SCAPER: variants seen among roughly 807,000 people sequenced by gnomAD.
SCAPER encodes the protein S-phase cyclin A associated protein in the ER.
A neutral mutation model predicts 182.2 loss-of-function variants in SCAPER; 98 were observed. The ratio of observed to expected loss-of-function variants is 0.54; its 90% CI spans 0.46 to 0.64. The LOEUF is 0.64. Ranked by LOEUF, SCAPER falls within the 30% of genes least tolerant of loss-of-function variation. The pLI is 0.00. For missense variants in SCAPER, 1,432 were observed against 1,690.0 expected (o/e 0.85, Z 2.68); for synonymous variants, 605 against 564.6 (o/e 1.07, Z -1.01).
intron 8 of SCAPER, among the ~76,000 whole-genome samples, chr15:76,783,784 A>T (rs948134915): frequency 6.6e-6 from 1 of 152,114 alleles, no homozygotes; most frequent in African/African-American, 2.4e-5. Context: ...AAAGACAAAA[A>T]CCGCAATTAT....
intron 27 of SCAPER, among the ~76,000 whole-genome samples, chr15:76,401,008 G>C (rs2044418123): frequency 6.6e-6 from 1 of 151,692 alleles, no homozygotes; most frequent in Non-Finnish European, 1.5e-5. Flanking sequence ...TTGAGTGGTA[G>C]ACAGTATAGT....
intron 23 of SCAPER, among the ~76,000 whole-genome samples, chr15:76,537,842 A>T (rs943279433): frequency 7.9e-5 from 12 of 152,230 alleles, no homozygotes; most frequent in African/African-American, 2.9e-4. Context: ...TAATATCCAG[A>T]ATCTACAATC....
chr15:76,611,227 C>T (rs976146429), intron 22 of SCAPER, among the ~76,000 whole-genome samples: 4 of 151,496 alleles, frequency 2.6e-5, no homozygotes, highest in African/African-American at 4.8e-5. Flanking sequence ...AAAATGAAAT[C>T]GAACACCAGT....
chr15:76,689,691 C>CA (rs533206913), intron 20 of SCAPER, among the ~76,000 whole-genome samples: 2,156 of 137,044 alleles, frequency 0.016, 42 homozygotes, highest in African/African-American at 0.047. Flanking sequence ...TCCTTGAAAA[C>CA]AAAAAAAAAA....
intron 22 of SCAPER, among the ~76,000 whole-genome samples, chr15:76,612,481 C>T (rs1333181608): frequency 1.3e-5 from 2 of 152,146 alleles, no homozygotes; most frequent in Non-Finnish European, 2.9e-5. Flanking sequence ...ACCAATCCGC[C>T]TGTTGTGTCC....
chr15:76,600,894 C>A, intron 22 of SCAPER, among the ~76,000 whole-genome samples: 1 of 120,728 alleles, frequency 8.3e-6, no homozygotes, highest in East Asian at 2.2e-4. Flanking sequence ...AAAGTGAAAA[C>A]AAAACAGAAA....
intron 23 of SCAPER, among the ~76,000 whole-genome samples, chr15:76,515,076 A>G (rs920356602): frequency 1.3e-5 from 2 of 152,218 alleles, no homozygotes; most frequent in Non-Finnish European, 2.9e-5. Context: ...GATGCCAAAA[A>G]CAGTAAAATT....
At chr15:76,889,370 A>G (rs927380705) in intron 1 of SCAPER, among the ~76,000 whole-genome samples, 3 of 152,218 alleles carry the variant, frequency 2.0e-5, no homozygotes, top group African/African-American at 7.2e-5. Context: ...ATTAAAAGAC[A>G]CAGACTGGCA....
intron 23 of SCAPER, chr15:76,567,366 G>A (rs994677579): frequency 2.4e-5 from 11 of 454,224 alleles, no homozygotes; most frequent in Admixed American, 2.4e-4. Flanking sequence ...TGTATATCTT[G>A]CCTGGTGGAT....
At chr15:76,542,790 T>C (rs917581692) in intron 23 of SCAPER, among the ~76,000 whole-genome samples, 4 of 152,040 alleles carry the variant, frequency 2.6e-5, no homozygotes, top group Non-Finnish European at 5.9e-5. Context: ...AACATAAACT[T>C]ATAGACATCA....
In SCAPER at chr15:76,775,131, G is replaced by A; in HGVS notation, c.773-14C>T. 3.9e-6 allele frequency: 6 copies of A among 1,557,032 alleles called. No homozygotes were observed. The highest frequency in any genetic ancestry group is 1.4e-5 in the African/African-American group (1 of 72,368). ...CATCTTTCCGTTCTATGCAATTAAAGTAAAAAACAAATCAAGATTTATTTA... is the reference window on the plus strand; with the variant it reads ...CATCTTTCCGTTCTATGCAATTAAAATAAAAAACAAATCAAGATTTATTTA... On this transcript the variant is annotated splice_polypyrimidine_tract_variant and intron_variant, in intron 8 of 31. Transcript: ENST00000563290.
Position 76,539,391 on chromosome 15 carries a change from C to T in SCAPER, c.2839-34417G>A, listed in dbSNP as rs80228185. On this transcript the variant is annotated intron_variant, in intron 23 of 31. Coordinates refer to ENST00000563290, the MANE Select transcript of SCAPER (RefSeq NM_020843.4). The stretch of plus-strand genomic sequence containing the variant: ...ATCAGAATATTGGGGAAGAAATTTA[C>T]ACTTAAAATGTTTTAAGTTAAAACA... Among the ~76,000 whole-genome samples the T allele has an allele frequency of 2.0e-3, 298 of 152,228 alleles. 3 individuals are homozygous for T. The highest frequency in any genetic ancestry group is 6.5e-3 in the African/African-American group (270 of 41,526).
At chr15:76,552,025 C>T (rs1011527894) in intron 23 of SCAPER, among the ~76,000 whole-genome samples, 2 of 151,950 alleles carry the variant, frequency 1.3e-5, no homozygotes, top group African/African-American at 4.8e-5. Flanking sequence ...GTGGCTCATG[C>T]CTGTAACGCC....
At position 76,377,858 on chromosome 15, in the gene SCAPER, G is replaced by A. The variant is rs951118942; in HGVS notation, c.3706-1547C>T. 2.6e-5 allele frequency among the ~76,000 whole-genome samples: 4 copies of A among 152,216 alleles called. No homozygotes were observed. In the East Asian group the frequency reaches 5.8e-4, roughly 22 times the overall value. ...AGGAGCACTGGGAATGCTGCATTCA[G>A]TTTCCAACCTTCTGACTCAGCATGT... On this transcript the variant is annotated intron_variant, in intron 28 of 31. Coordinates refer to ENST00000563290, the MANE Select transcript of SCAPER (RefSeq NM_020843.4).
Position 76,559,208 on chromosome 15 carries a change from T to A in SCAPER, c.2838+14950A>T, listed in dbSNP as rs147925047. On this transcript the variant is annotated intron_variant, in intron 23 of 31. Coordinates refer to ENST00000563290, the MANE Select transcript of SCAPER (RefSeq NM_020843.4). ...CACCACCACACCCAGCTAATTTTTT[T>A]TTTTTTTTTTTTTTTTTTGGTATTT... Among the ~76,000 whole-genome samples the A allele has an allele frequency of 1.9e-3, 268 of 143,152 alleles. 1 individual carries two copies. Among genetic ancestry groups the A allele is most frequent in the South Asian group, 4.6e-3 (21 of 4,598 alleles). 93.9% of individuals were successfully genotyped at this position (143,152 alleles called of 152,430 possible). A position where few individuals can be genotyped will look rare whatever the true frequency, so the allele number is the denominator to read the frequency against.
chr15:76,441,535 C>G (rs1459664528), intron 25 of SCAPER, among the ~76,000 whole-genome samples: 1 of 152,114 alleles, frequency 6.6e-6, no homozygotes, highest in Non-Finnish European at 1.5e-5. Context: ...TCTGATCTAT[C>G]CTCTACATCC....
intron 26 of SCAPER, among the ~76,000 whole-genome samples, chr15:76,417,797 A>G (rs2045755178): frequency 1.3e-5 from 2 of 152,188 alleles, no homozygotes; most frequent in Admixed American, 1.3e-4. Flanking sequence ...AGGTGGGCGG[A>G]TCACGAGGTC....
At chr15:76,748,140 G>A (rs1313358764) in intron 15 of SCAPER, among the ~76,000 whole-genome samples, 10 of 151,888 alleles carry the variant, frequency 6.6e-5, no homozygotes, top group South Asian at 4.2e-4. Context: ...ACAGGCATGC[G>A]CCACCATGCC....
chr15:76,709,339 T>C (rs904512882), intron 17 of SCAPER, among the ~76,000 whole-genome samples: 6 of 152,140 alleles, frequency 3.9e-5, no homozygotes, highest in Non-Finnish European at 8.8e-5. Context: ...TTTCACCATG[T>C]TGGCCAGGAT....
Sources: allele counts gnomAD v4.1 joint callset (sites outside exome capture counted in the v4.1 genomes callset), GRCh38; gene constraint gnomAD v4.1.1; transcripts MANE v1.5; gene names NCBI Gene and HGNC (gene_info 2026-07-23, HGNC 2026-07-21).